The following TAFA4 variants were observed in gnomAD, a reference collection of about 807,000 sequenced individuals.
TAFA4 encodes chemokine-like protein TAFA-4.
A neutral mutation model predicts 21.1 loss-of-function variants in TAFA4; 20 were observed. The ratio of observed to expected loss-of-function variants is 0.95; its 90% CI spans 0.67 to 1.38. The LOEUF (loss-of-function observed/expected upper bound fraction) is 1.38, where lower values mean the gene tolerates loss of function less well. Among genes scored for constraint, TAFA4 ranks in the 40% most tolerant of loss-of-function variants. The probability of loss-of-function intolerance (pLI) is 0.00; values close to 1 mark genes in which losing one functional copy is unlikely to be tolerated. For missense variants in TAFA4, 211 were observed against 180.9 expected (o/e 1.17, Z -0.95); for synonymous variants, 71 against 67.4 (o/e 1.05, Z -0.26).
intron 1 of TAFA4, among the ~76,000 whole-genome samples, chr3:68,924,426 A>G (rs754140454): frequency 3.3e-5 from 5 of 152,224 alleles, no homozygotes; most frequent in African/African-American, 4.8e-5. Flanking sequence ...TACCTAGAGG[A>G]GTGAAACTCA....
At chr3:68,865,282 A>T (rs889252462) in intron 3 of TAFA4, among the ~76,000 whole-genome samples, 8 of 151,888 alleles carry the variant, frequency 5.3e-5, no homozygotes, top group Non-Finnish European at 1.2e-4. Flanking sequence ...ATTTTTCTTT[A>T]AACACTGGCT....
At chr3:68,920,639 ATTTTTT>A (rs367598663) in intron 1 of TAFA4, among the ~76,000 whole-genome samples, 1 of 130,234 alleles carries the variant, frequency 7.7e-6, no homozygotes, top group Non-Finnish European at 1.6e-5. Context: ...TTTTTCTCTA[ATTTTTT>A]TTTTTTTTTT....
intron 1 of TAFA4, among the ~76,000 whole-genome samples, chr3:68,904,431 A>C (rs896829638): frequency 1.3e-5 from 2 of 152,392 alleles, no homozygotes; most frequent in African/African-American, 2.4e-5. Context: ...GTCCACAGAC[A>C]AAGAGATCTT....
At chr3:68,788,464 T>G (rs148288495) in intron 3 of TAFA4, among the ~76,000 whole-genome samples, 193 of 152,376 alleles carry the variant, frequency 1.3e-3, no homozygotes, top group Non-Finnish European at 2.2e-3. Context: ...CAGAAACTTT[T>G]AGTTTGATGC....
At chr3:68,803,013 T>C (rs1256992705) in intron 3 of TAFA4, among the ~76,000 whole-genome samples, 1 of 152,220 alleles carries the variant, frequency 6.6e-6, no homozygotes, top group African/African-American at 2.4e-5. Context: ...CGGTTTGTTC[T>C]AGCTTTTTTT....
At chr3:68,823,046 T>C (rs1212127942) in intron 3 of TAFA4, among the ~76,000 whole-genome samples, 5 of 152,170 alleles carry the variant, frequency 3.3e-5, no homozygotes, top group South Asian at 4.1e-4. Flanking sequence ...TAATGATTTA[T>C]AGAATACCAA....
At chr3:68,736,537 TTACC>T (rs1702244091) in intron 5 of TAFA4, among the ~76,000 whole-genome samples, 1 of 152,140 alleles carries the variant, frequency 6.6e-6, no homozygotes, top group South Asian at 2.1e-4. Flanking sequence ...GGAGACCATC[TTACC>T]TTTAGCTTTT....
rs17248311 is a variant in TAFA4, at chr3:68,755,256, G to A, written c.131-2238C>T. 6.6e-3 allele frequency among the ~76,000 whole-genome samples: 1,007 copies of A among 152,270 alleles called. 8 individuals are homozygous for A. The highest frequency in any genetic ancestry group is 0.01 in the Non-Finnish European group (711 of 68,038). On this transcript the variant is annotated intron_variant, in intron 3 of 5. Coordinates refer to ENST00000295569, the MANE Select transcript of TAFA4 (RefSeq NM_182522.5). The stretch of plus-strand genomic sequence containing the variant: ...ATGTACTTAAGGGTAATTTACATTG[G>A]AATCCATTTATCAGGAGTCTTTTGT...
At chr3:68,878,030 C>T (rs1398452954) in intron 3 of TAFA4, among the ~76,000 whole-genome samples, 2 of 152,156 alleles carry the variant, frequency 1.3e-5, no homozygotes, top group African/African-American at 4.8e-5. Context: ...CCAGGATGTA[C>T]CAGAACCAGA....
chr3:68,927,767 G>A (rs1467889933), intron 1 of TAFA4, among the ~76,000 whole-genome samples: 1 of 151,888 alleles, frequency 6.6e-6, no homozygotes, highest in Non-Finnish European at 1.5e-5. Flanking sequence ...GCGTGATGGT[G>A]CACACCTGTA....
chr3:68,743,750 C>T (rs971881054), intron 4 of TAFA4, among the ~76,000 whole-genome samples: 3 of 152,126 alleles, frequency 2.0e-5, no homozygotes, highest in Non-Finnish European at 4.4e-5. Context: ...GATGGTACCA[C>T]AGATAAAAAC....
chr3:68,776,732 CA>C lies in TAFA4; in HGVS notation c.131-23715del, dbSNP rs1300908043. On this transcript the variant is annotated intron_variant, in intron 3 of 5. Coordinates refer to ENST00000295569, the MANE Select transcript of TAFA4 (RefSeq NM_182522.5). Reference sequence around the variant, plus strand: ...TATTTTCAGCACGTGTTAAGTTTATCAGAATAGACCATATTGTGGAACATAC... The same window carrying C: ...TATTTTCAGCACGTGTTAAGTTTATCGAATAGACCATATTGTGGAACATAC... Among the ~76,000 whole-genome samples, 5 of 152,080 alleles carry C rather than the reference CA, an allele frequency of 3.3e-5. No homozygotes were observed. In the East Asian group the frequency reaches 9.6e-4, roughly 29 times the overall value.
intron 1 of TAFA4, among the ~76,000 whole-genome samples, chr3:68,897,857 T>C (rs1052554165): frequency 2.1e-5 from 3 of 143,168 alleles, no homozygotes; most frequent in African/African-American, 7.7e-5. Flanking sequence ...CCCCTTGACA[T>C]GGTTACCTCA....
In TAFA4 at chr3:68,739,120, G is replaced by T; in HGVS notation, c.366C>A (p.Tyr122Ter). The T allele has an allele frequency of 6.2e-7, 1 of 1,613,978 alleles. No homozygotes were observed. Residue 122 changes from tyrosine to a stop codon, truncating the protein, a stop_gained, in exon 5 of 6, where the codon TAC becomes TAA. Transcript: ENST00000295569. LOFTEE classifies it high-confidence loss of function. The stretch of plus-strand genomic sequence containing the variant: ...TGCCACTGCTACAGGACCAACCTGA[G>T]TAATCTGGCAGCACTTTACAATCCT... ...EGEDCKVLPD[Y>*]SGWSCSSGNK...
At chr3:68,809,029 C>T (rs1452977844) in intron 3 of TAFA4, among the ~76,000 whole-genome samples, 1 of 152,212 alleles carries the variant, frequency 6.6e-6, no homozygotes, top group Non-Finnish European at 1.5e-5. Context: ...AAGCAACTCA[C>T]ATGATCAAAC....
At chr3:68,904,690 G>A (rs1370918917) in intron 1 of TAFA4, among the ~76,000 whole-genome samples, 2 of 152,140 alleles carry the variant, frequency 1.3e-5, no homozygotes, top group Non-Finnish European at 2.9e-5. Flanking sequence ...ATGCCACCAG[G>A]GGCTCCCAAG....
intron 3 of TAFA4, among the ~76,000 whole-genome samples, chr3:68,816,025 T>C (rs972279524): frequency 1.3e-5 from 2 of 152,308 alleles, no homozygotes; most frequent in East Asian, 3.9e-4. Flanking sequence ...GGGACATATA[T>C]GTAGCTGGAA....
chr3:68,921,641 A>T (rs925064134), intron 1 of TAFA4, among the ~76,000 whole-genome samples: 1 of 152,208 alleles, frequency 6.6e-6, no homozygotes, highest in African/African-American at 2.4e-5. Flanking sequence ...TTATTCCCAG[A>T]ACGAATGAAA....
intron 3 of TAFA4, among the ~76,000 whole-genome samples, chr3:68,880,513 A>T (rs1239781598): frequency 2.0e-5 from 3 of 152,218 alleles, no homozygotes; most frequent in African/African-American, 7.2e-5. Flanking sequence ...AAGTGTGCCC[A>T]AGAAAACAAA....
Sources: gnomAD v4.1 joint callset for allele counts (sites outside exome capture counted in the v4.1 genomes callset) on GRCh38, gnomAD v4.1.1 for gene constraint, MANE v1.5 for transcripts, NCBI Gene and HGNC (gene_info 2026-07-23, HGNC 2026-07-21) for gene names.